The following TUBB1 variants were observed in gnomAD, a reference collection of about 807,000 sequenced individuals.
TUBB1 encodes the protein tubulin beta 1 class VI.
A neutral mutation model predicts 22.6 loss-of-function variants in TUBB1; 28 were observed. The ratio of observed to expected loss-of-function variants is 1.24; its 90% CI spans 0.92 to 1.70. TUBB1 has a LOEUF of 1.70. TUBB1 is among the 40% of genes most tolerant of loss of function. The probability of loss-of-function intolerance (pLI) is 0.00; values close to 1 mark genes in which losing one functional copy is unlikely to be tolerated. For missense variants in TUBB1, 577 were observed against 605.5 expected (o/e 0.95, Z 0.49); for synonymous variants, 226 against 238.0 (o/e 0.95, Z 0.46).
rs994436900 is a variant in TUBB1, at chr20:59,024,425, T to G, written c.998T>G (p.Val333Gly). Reference protein sequence around the residue: ...TKEVDQQLLSVQTRNSSCFVE... With the variant: ...TKEVDQQLLSGQTRNSSCFVE... ...GAAGTGGACCAGCAACTGCTCTCCG[T>G]GCAGACCAGGAACAGCAGCTGCTTT... The change falls in exon 4 of 4, where the codon GTG (valine) becomes GGG (glycine). Residue 333 changes from valine (V) to glycine (G), a missense_variant. Coordinates refer to ENST00000217133, the MANE Select transcript of TUBB1 (RefSeq NM_030773.4). This position sits in a 1 kb window ranked among gnomAD's most constrained non-coding sequence, Gnocchi z 4.9. 1.7e-5 allele frequency: 28 copies of G among 1,614,108 alleles called. No individual in the cohort carries two copies. The highest frequency in any genetic ancestry group is 2.7e-5 in the African/African-American group (2 of 74,944).
At position 59,025,521 on chromosome 20, in the gene TUBB1, A is replaced by G. The variant is rs2091989867; in HGVS notation, c.*738A>G. On this transcript the variant is annotated 3_prime_UTR_variant, in exon 4 of 4. Coordinates refer to ENST00000217133, the MANE Select transcript of TUBB1 (RefSeq NM_030773.4). ...TCTGAAGAGCTAGCCTTTAACATAT[A>G]TGTTTATATAGTTTAAATTTCTTAC... 2 of 152,334 alleles carry G rather than the reference A, an allele frequency of 1.3e-5. No individual in the cohort carries two copies. Among genetic ancestry groups the G allele is most frequent in the African/African-American group, 2.4e-5 (1 of 41,446 alleles). The allele number at this position is 152,334 out of a possible 1,614,324, so 9.4% of individuals were successfully genotyped here.
intron 1 of TUBB1, 23 bp from the exon 2 acceptor site, chr20:59,022,822 T>G: frequency 6.2e-7 from 1 of 1,611,398 alleles, no homozygotes; most frequent in Non-Finnish European, 8.5e-7. Flanking sequence ...GTCCGTTTAC[T>G]CTGACCTTCC....
Position 59,024,855 on chromosome 20 carries a change from A to G in TUBB1, c.*72A>G. 1 of 1,406,656 alleles carries G rather than the reference A, an allele frequency of 7.1e-7. No individual in the cohort carries two copies. The highest frequency in any genetic ancestry group is 1.0e-6 in the Non-Finnish European group (1 of 996,694). 87.1% of individuals were successfully genotyped at this position (1,406,656 alleles called of 1,614,324 possible). On this transcript the variant is annotated 3_prime_UTR_variant, in exon 4 of 4. Transcript: ENST00000217133. This position sits in a 1 kb window ranked among gnomAD's most constrained non-coding sequence, Gnocchi z 4.9. ...ATTAGATGAGTGTTTCTCCTGCAGCACTCCAAAACCCACTCTGCACTGCAG... is the reference window on the plus strand; with the variant it reads ...ATTAGATGAGTGTTTCTCCTGCAGCGCTCCAAAACCCACTCTGCACTGCAG...
rs139229468 is a variant in TUBB1 at position 59,023,766 on chromosome 20, C to A, written c.339C>A (p.Ile113=). 5 of 1,614,146 alleles carry A rather than the reference C, an allele frequency of 3.1e-6. No individual in the cohort carries two copies. The African/African-American group carries it at 6.7e-5, about 22-fold the overall frequency. The change falls in exon 4 of 4, where the codon ATC becomes ATA. Residue 113 remains isoleucine (I), a synonymous_variant. Coordinates refer to ENST00000217133, the MANE Select transcript of TUBB1 (RefSeq NM_030773.4). ...ACTACACGGAGGGAGCCGAGCTGAT[C>A]GAGAATGTCCTAGAGGTGGTGAGGC... ...KGHYTEGAEL[I]ENVLEVVRHE... is the part of the protein sequence containing the mutation.
Position 59,023,731 on chromosome 20 carries a change from G to A in TUBB1, c.304G>A (p.Ala102Thr). ...TAACTCTGGGGCTGGCAACAACTGG[G>A]CCAAAGGCCACTACACGGAGGGAGC... ...HGNSGAGNNWAKGHYTEGAEL... is the reference protein window; with the variant it reads ...HGNSGAGNNWTKGHYTEGAEL... The change falls in exon 4 of 4, where the codon GCC becomes ACC. Residue 102 changes from alanine (A) to threonine (T), a missense_variant. Coordinates refer to ENST00000217133, the MANE Select transcript of TUBB1 (RefSeq NM_030773.4). 1 of 1,614,170 alleles carries A rather than the reference G, an allele frequency of 6.2e-7. No homozygotes were observed. The highest frequency in any genetic ancestry group is 8.5e-7 in the Non-Finnish European group (1 of 1,180,042).
upstream of TUBB1, chr20:59,019,364 G>A: frequency 1.3e-6 from 1 of 783,540 alleles, no homozygotes; most frequent in East Asian, 2.6e-5. Flanking sequence ...GGCCTCTGGG[G>A]TGGACACACC....
At chr20:59,017,396 T>A (rs1026854873), upstream of TUBB1, among the ~76,000 whole-genome samples, 1 of 152,220 alleles carries the variant, frequency 6.6e-6, no homozygotes, top group African/African-American at 2.4e-5. Context: ...CAGGCACTCT[T>A]AGGACACAGT....
rs556399037 is a variant in TUBB1, at chr20:59,024,503, G to A, written c.1076G>A (p.Arg359Gln). ...VKVAVCDIPP[R>Q]GLSMAATFIG... is the part of the protein sequence containing the mutation. ...GTGGCTGTCTGCGACATCCCGCCCC[G>A]GGGGCTGAGCATGGCCGCCACCTTC... is the stretch of plus-strand genomic sequence containing the variant. The change falls in exon 4 of 4, where the codon CGG (arginine) becomes CAG (glutamine). Residue 359 changes from arginine to glutamine, a missense_variant. Physicochemically the swap from Arg to Gln is conservative, Grantham distance 43. Coordinates refer to ENST00000217133, the MANE Select transcript of TUBB1 (RefSeq NM_030773.4). The surrounding 1 kb of genome is among the most constrained non-coding windows in gnomAD (Gnocchi z 4.9). 15 of 1,614,114 alleles carry A rather than the reference G, an allele frequency of 9.3e-6. No homozygotes were observed. The highest frequency in any genetic ancestry group is 4.5e-5 in the East Asian group (2 of 44,884).
At chr20:59,018,150 C>T (rs1044507809), upstream of TUBB1, among the ~76,000 whole-genome samples, 1 of 152,238 alleles carries the variant, frequency 6.6e-6, no homozygotes. Flanking sequence ...TCAGGGAGTC[C>T]CTTCCCCATC....
Position 59,024,199 on chromosome 20 carries a change from G to C in TUBB1, c.772G>C (p.Val258Leu), listed in dbSNP as rs1218913706. ...ADLRKLAVNM[V>L]PFPRLHFFMP... is the part of the protein sequence containing the mutation. Reference sequence around the variant, plus strand: ...CCTGCGCAAGCTGGCGGTGAACATGGTCCCCTTCCCCCGCCTGCACTTCTT... The same window carrying C: ...CCTGCGCAAGCTGGCGGTGAACATGCTCCCCTTCCCCCGCCTGCACTTCTT... Residue 258 changes from valine (V) to leucine (L), a missense_variant, in exon 4 of 4, where the codon GTC becomes CTC. Transcript: ENST00000217133. The surrounding 1 kb of genome is among the most constrained non-coding windows in gnomAD (Gnocchi z 4.9). 5.0e-6 allele frequency: 8 copies of C among 1,614,162 alleles called. No individual in the cohort carries two copies. Among genetic ancestry groups the C allele is most frequent in the Non-Finnish European group, 6.8e-6 (8 of 1,180,036 alleles).
At position 59,025,827 on chromosome 20, in the gene TUBB1, T is replaced by C. The variant is rs2091991416; in HGVS notation, c.*1044T>C. On this transcript the variant is annotated 3_prime_UTR_variant, in exon 4 of 4. Coordinates refer to ENST00000217133, the MANE Select transcript of TUBB1 (RefSeq NM_030773.4). ...GCAGAAGTTGCCATAAATGTTTGCATAATGACATAGCTTTAAGCACTACAT... is the reference window on the plus strand; with the variant it reads ...GCAGAAGTTGCCATAAATGTTTGCACAATGACATAGCTTTAAGCACTACAT... 1 of 152,266 alleles carries C rather than the reference T, an allele frequency of 6.6e-6. No individual in the cohort carries two copies. Among genetic ancestry groups the C allele is most frequent in the Non-Finnish European group, 1.5e-5 (1 of 68,050 alleles). 9.4% of individuals were successfully genotyped at this position (152,266 alleles called of 1,614,324 possible).
rs541028932 is a variant in TUBB1, at chr20:59,022,264, G to A, written c.58-581G>A. 4.0e-5 allele frequency among the ~76,000 whole-genome samples: 6 copies of A among 151,044 alleles called. No homozygotes were observed. In the South Asian group the frequency reaches 8.4e-4, roughly 21 times the overall value. ...GCAGGAGAATCGCTTGAACCCAGGA[G>A]GCGGAGGTTGCAGTGAGCCGAGATC... On this transcript the variant is annotated intron_variant, in intron 1 of 3. Transcript: ENST00000217133.
chr20:59,020,062 GAGAC>G (rs936300235), intron 1 of TUBB1, among the ~76,000 whole-genome samples: 8 of 151,600 alleles, frequency 5.3e-5, no homozygotes, highest in African/African-American at 1.9e-4. Flanking sequence ...TTTTTTTTGA[GAGAC>G]AGGGATCTCA....
Position 59,023,625 on chromosome 20 carries a change from C to T in TUBB1, c.277+25C>T, listed in dbSNP as rs368331139. Reference sequence around the variant, plus strand: ...GGTATGTTTTTCCAGAAGGTTCCACCAGGAGGAGGGGGGGATGCTTTACTG... The same window carrying T: ...GGTATGTTTTTCCAGAAGGTTCCACTAGGAGGAGGGGGGGATGCTTTACTG... On this transcript the variant is annotated intron_variant, in intron 3 of 3. Coordinates refer to ENST00000217133, the MANE Select transcript of TUBB1 (RefSeq NM_030773.4). The T allele has an allele frequency of 1.8e-5, 29 of 1,613,584 alleles. No homozygotes were observed. The African/African-American group carries it at 2.9e-4, about 16-fold the overall frequency.
Position 59,024,161 on chromosome 20 carries a change from A to C in TUBB1, c.734A>C (p.Gln245Pro). The C allele has an allele frequency of 1.9e-6, 3 of 1,614,208 alleles. No individual in the cohort carries two copies. The highest frequency in any genetic ancestry group is 1.7e-6 in the Non-Finnish European group (2 of 1,180,024). Reference protein sequence around the residue: ...GITTSLRFPGQLNADLRKLAV... With the variant: ...GITTSLRFPGPLNADLRKLAV... ...ACCACCTCCCTCCGGTTCCCGGGTC[A>C]GCTCAACGCAGACCTGCGCAAGCTG... The change falls in exon 4 of 4, where the codon CAG becomes CCG. Residue 245 changes from glutamine (Q) to proline (P), a missense_variant. Transcript: ENST00000217133. This position sits in a 1 kb window ranked among gnomAD's most constrained non-coding sequence, Gnocchi z 4.9.
upstream of TUBB1, among the ~76,000 whole-genome samples, chr20:59,017,571 C>G (rs2091949868): frequency 6.6e-6 from 1 of 152,234 alleles, no homozygotes; most frequent in Non-Finnish European, 1.5e-5. Context: ...TGGGCCCCAC[C>G]AGGCCTGTAG....
At chr20:59,016,704 T>C (rs1205966934), upstream of TUBB1, among the ~76,000 whole-genome samples, 3 of 152,216 alleles carry the variant, frequency 2.0e-5, no homozygotes, top group African/African-American at 7.2e-5. Context: ...AATTTTAAAA[T>C]GGTCTGTTTT....
rs1321185172 is a variant in TUBB1 at position 59,024,267 on chromosome 20, G to A, written c.840G>A (p.Gln280=). Residue 280 remains glutamine (Q), a synonymous_variant, in exon 4 of 4, where the codon CAG becomes CAA. Transcript: ENST00000217133. This position sits in a 1 kb window ranked among gnomAD's most constrained non-coding sequence, Gnocchi z 4.9. ...FAPLTAQGSQ[Q]YRALSVAELT... is the part of the protein sequence containing the mutation. ...CACTCACGGCCCAGGGCAGCCAGCA[G>A]TACCGAGCCCTCTCCGTGGCCGAGC... 5 of 1,614,040 alleles carry A rather than the reference G, an allele frequency of 3.1e-6. No homozygotes were observed. Among genetic ancestry groups the A allele is most frequent in the Middle Eastern group, 1.6e-4 (1 of 6,062 alleles).
At chr20:59,021,659 CTA>C (rs1342968664) in intron 1 of TUBB1, among the ~76,000 whole-genome samples, 2 of 152,178 alleles carry the variant, frequency 1.3e-5, no homozygotes, top group Non-Finnish European at 2.9e-5. Context: ...CAGAGGACAA[CTA>C]TGTGTAATTG....
Sources: allele counts gnomAD v4.1 joint callset (sites outside exome capture counted in the v4.1 genomes callset), GRCh38; gene constraint gnomAD v4.1.1; non-coding constraint Gnocchi (gnomAD v3.1); transcripts MANE v1.5; gene names NCBI Gene and HGNC (gene_info 2026-07-23, HGNC 2026-07-21).